Variants in ENPP3 observed in about 807,000 individuals in gnomAD.
The protein encoded by ENPP3 is ectonucleotide pyrophosphatase/phosphodiesterase family member 3.
A neutral mutation model predicts 117.8 loss-of-function variants in ENPP3; 104 were observed. The observed-to-expected ratio is 0.88, with a 90% CI of 0.75 to 1.04. The LOEUF (loss-of-function observed/expected upper bound fraction) is 1.04. Ranked by LOEUF, ENPP3 falls within the 50% of genes least tolerant of loss-of-function variation. The probability of loss-of-function intolerance (pLI) is 0.00; values close to 1 mark genes in which losing one functional copy is unlikely to be tolerated. For synonymous variants in ENPP3, 380 were observed against 349.9 expected, an observed-to-expected ratio of 1.09 and a Z score of -0.96; for missense variants, 1,026 against 1,051.9, an observed-to-expected ratio of 0.98 and a Z score of 0.34.
chr6:131,647,865 A>G (rs755342568), intron 2 of ENPP3, among the ~76,000 whole-genome samples: 20 of 152,156 alleles, frequency 1.3e-4, no homozygotes, highest in Non-Finnish European at 2.4e-4. Context: ...ACTGCCGTAT[A>G]ATAGCTATCA....
At chr6:131,673,063 C>T (rs1778780424) in intron 7 of ENPP3, among the ~76,000 whole-genome samples, 1 of 152,024 alleles carries the variant, frequency 6.6e-6, no homozygotes, top group Non-Finnish European at 1.5e-5. Context: ...AACCATTATT[C>T]TAATATGGGA....
intron 2 of ENPP3, among the ~76,000 whole-genome samples, chr6:131,643,806 G>C (rs1778101642): frequency 6.6e-6 from 1 of 151,888 alleles, no homozygotes; most frequent in Admixed American, 6.6e-5. Flanking sequence ...AATCCTTCCA[G>C]GAGTTTATAT....
intron 18 of ENPP3, 61 bp downstream of exon 18, chr6:131,722,466 T>C: frequency 7.1e-7 from 1 of 1,414,230 alleles, no homozygotes; most frequent in South Asian, 1.2e-5. Flanking sequence ...TTAACCTGGG[T>C]AGCTGACAAC....
chr6:131,664,140 G>T (rs1184136635), intron 6 of ENPP3, among the ~76,000 whole-genome samples: 1 of 152,112 alleles, frequency 6.6e-6, no homozygotes, highest in Non-Finnish European at 1.5e-5. Context: ...TCAGAAGAAG[G>T]TACTGTTATC....
At chr6:131,681,613 CAGTG>C (rs1278044898) in intron 11 of ENPP3, among the ~76,000 whole-genome samples, 1 of 151,956 alleles carries the variant, frequency 6.6e-6, no homozygotes, top group Non-Finnish European at 1.5e-5. Flanking sequence ...AACACAAAGG[CAGTG>C]AGTATAAACA....
intron 5 of ENPP3, among the ~76,000 whole-genome samples, chr6:131,656,110 A>C (rs968899786): frequency 2.6e-5 from 4 of 152,182 alleles, no homozygotes; most frequent in African/African-American, 4.8e-5. Context: ...TAAGGAGCTT[A>C]GACTCTTAAA....
At chr6:131,654,313 AT>A (rs746718201) in intron 5 of ENPP3, among the ~76,000 whole-genome samples, 1 of 151,046 alleles carries the variant, frequency 6.6e-6, no homozygotes, top group Non-Finnish European at 1.5e-5. Flanking sequence ...ATTTTTTTGT[AT>A]TTTTTTTGTA....
rs1562475242 is a variant in ENPP3 at position 131,724,230 on chromosome 6, A to AC, written c.1798+139_1798+140insC. 2.7e-3 allele frequency: 1,659 copies of AC among 611,832 alleles called. 86 individuals carry two copies. In the African/African-American group the frequency reaches 0.028, roughly 10 times the overall value. The allele number at this position is 611,832 out of a possible 1,614,324, so 37.9% of individuals were successfully genotyped here. A position where few individuals can be genotyped will look rare whatever the true frequency, so the allele number is the denominator to read the frequency against. On this transcript the variant is annotated intron_variant, in intron 19 of 24. Coordinates refer to ENST00000357639, the MANE Select transcript of ENPP3 (RefSeq NM_005021.5). ...TTATTGCCAATATACAAAAGGTAAA[A>AC]AAAAAAAAACTCACAACAGATATAA...
rs1005450041 is a variant in ENPP3, at chr6:131,639,599, T to G, written c.79-1856T>G. 1.3e-5 allele frequency among the ~76,000 whole-genome samples: 2 copies of G among 152,248 alleles called. 1 individual carries two copies. Among genetic ancestry groups the G allele is most frequent in the Admixed American group, 1.3e-4 (2 of 15,286 alleles). ...TTGTTTCAAAAGTACCCTGATGTCT[T>G]CAAACTTTTACTAAAGTTTCACTTA... On this transcript the variant is annotated intron_variant, in intron 1 of 24. Transcript: ENST00000357639.
At position 131,675,190 on chromosome 6, in the gene ENPP3, G is replaced by T. The variant is rs759583454; in HGVS notation, c.872+1G>T. On this transcript the variant is annotated splice_donor_variant, in intron 9 of 24. Transcript: ENST00000357639. LOFTEE classifies it high-confidence loss of function. ...CTTCCATATACATGCCTTACAACGG[G>T]TAGTGAAGCACTTTCAGATATTCTC... is the stretch of plus-strand genomic sequence containing the variant. The T allele has an allele frequency of 6.7e-7, 1 of 1,503,554 alleles. No homozygotes were observed. Among genetic ancestry groups the T allele is most frequent in the South Asian group, 1.1e-5 (1 of 88,742 alleles). 93.1% of individuals were successfully genotyped at this position (1,503,554 alleles called of 1,614,324 possible).
intron 2 of ENPP3, among the ~76,000 whole-genome samples, chr6:131,643,910 G>A (rs1302730811): frequency 6.6e-6 from 1 of 150,828 alleles, no homozygotes; most frequent in East Asian, 1.9e-4. Flanking sequence ...CCAAAAGAAG[G>A]AATCAGGGTC....
intron 15 of ENPP3, among the ~76,000 whole-genome samples, chr6:131,717,557 G>A (rs964856443): frequency 2.6e-5 from 4 of 151,844 alleles, no homozygotes; most frequent in African/African-American, 9.7e-5. Context: ...TTCATTTATC[G>A]CTATTTTCCA....
chr6:131,731,199 T>G (rs1411980107), intron 20 of ENPP3, among the ~76,000 whole-genome samples: 1 of 152,194 alleles, frequency 6.6e-6, no homozygotes, highest in Non-Finnish European at 1.5e-5. Flanking sequence ...GCTTCTGCAT[T>G]GTCTCTTTTT....
In ENPP3 at chr6:131,671,233, C is replaced by CCT; in HGVS notation, c.563-15_563-14insCT. The CCT allele has an allele frequency of 6.7e-7, 1 of 1,481,640 alleles. No individual in the cohort carries two copies. The highest frequency in any genetic ancestry group is 9.4e-7 in the Non-Finnish European group (1 of 1,061,320). 91.8% of individuals were successfully genotyped at this position (1,481,640 alleles called of 1,614,324 possible). ...AAGAAACAACTTCCTAATTTCTCACCATATTCTGTTGCAGAAACATGTGGA... is the reference window on the plus strand; with the variant it reads ...AAGAAACAACTTCCTAATTTCTCACCCTATATTCTGTTGCAGAAACATGTGGA... On this transcript the variant is annotated splice_polypyrimidine_tract_variant and intron_variant, in intron 6 of 24. Coordinates refer to ENST00000357639, the MANE Select transcript of ENPP3 (RefSeq NM_005021.5).
intron 2 of ENPP3, among the ~76,000 whole-genome samples, chr6:131,644,944 G>A (rs1025074557): frequency 1.1e-4 from 16 of 152,168 alleles, no homozygotes; most frequent in Non-Finnish European, 1.8e-4. Context: ...ATGAAAAAAC[G>A]TAAAGACCAT....
At chr6:131,637,499 G>A (rs750939453) in intron 1 of ENPP3, 37 bp downstream of exon 1, 18 of 1,202,374 alleles carry the variant, frequency 1.5e-5, no homozygotes, top group Non-Finnish European at 2.0e-5. Context: ...TTCTAGTTTT[G>A]TGACAAATGT....
rs376047863 is a variant in ENPP3, at chr6:131,709,474, C to A, written c.1413-9198C>A. On this transcript the variant is annotated intron_variant, in intron 15 of 24. Coordinates refer to ENST00000357639, the MANE Select transcript of ENPP3 (RefSeq NM_005021.5). ...GGGACTACATGGGGAATGCTCTCTG[C>A]CAAATGCTGTATTTGAAACATCGAG... 13 of 1,609,538 alleles carry A rather than the reference C, an allele frequency of 8.1e-6. No individual in the cohort carries two copies. Among genetic ancestry groups the A allele is most frequent in the East Asian group, 2.2e-5 (1 of 44,730 alleles).
chr6:131,683,446 A>G (rs185035245), intron 12 of ENPP3, among the ~76,000 whole-genome samples: 5 of 152,336 alleles, frequency 3.3e-5, no homozygotes, highest in Non-Finnish European at 7.3e-5. Context: ...TATTCAATCT[A>G]AAAAGTGCTT....
At chr6:131,653,603 A>G (rs951528684) in intron 5 of ENPP3, among the ~76,000 whole-genome samples, 1 of 151,990 alleles carries the variant, frequency 6.6e-6, no homozygotes, top group Non-Finnish European at 1.5e-5. Context: ...TTAAATAAAG[A>G]TAGGGTCTCG....
Sources: allele counts gnomAD v4.1 joint callset (sites outside exome capture counted in the v4.1 genomes callset), GRCh38; gene constraint gnomAD v4.1.1; transcripts MANE v1.5; gene names NCBI Gene and HGNC (gene_info 2026-07-23, HGNC 2026-07-21).